GTF2H1: variants seen among roughly 807,000 people sequenced by gnomAD.
GTF2H1 encodes general transcription factor IIH subunit 1.
In GTF2H1, 16 loss-of-function variants were observed where a neutral mutation model predicts 71.2. The observed-to-expected ratio is 0.22, with a 90% CI of 0.15 to 0.34. GTF2H1 has a LOEUF of 0.34. GTF2H1 is among the 10% of genes least tolerant of loss of function. The probability of loss-of-function intolerance (pLI) is 1.00; values close to 1 mark genes in which losing one functional copy is unlikely to be tolerated. For synonymous variants in GTF2H1, 215 were observed against 219.0 expected (o/e 0.98, Z 0.16); for missense variants, 498 against 648.2 (o/e 0.77, Z 2.52).
At position 18,366,008 on chromosome 11, in the gene GTF2H1, T is replaced by C. The variant is rs927915876; in HGVS notation, c.*139T>C. ...TCTGCTCCACGCCAACTCCCAGAGC[T>C]GATGCTATTGTACTTGCACATTGGA... On this transcript the variant is annotated 3_prime_UTR_variant, in exon 15 of 15. Coordinates refer to ENST00000265963, the MANE Select transcript of GTF2H1 (RefSeq NM_005316.4). 1.7e-5 allele frequency: 11 copies of C among 636,116 alleles called. No individual in the cohort carries two copies. The highest frequency in any genetic ancestry group is 3.1e-5 in the Non-Finnish European group (11 of 355,248). The allele number at this position is 636,116 out of a possible 1,614,324, so 39.4% of individuals were successfully genotyped here.
chr11:18,339,619 C>T lies in GTF2H1; in HGVS notation c.569C>T (p.Ser190Phe), dbSNP rs779659103. The T allele has an allele frequency of 2.5e-6, 4 of 1,612,408 alleles. No homozygotes were observed. Among genetic ancestry groups the T allele is most frequent in the South Asian group, 1.1e-5 (1 of 91,040 alleles). Residue 190 changes from serine (S) to phenylalanine (F), a missense_variant, in exon 5 of 15, where the codon TCT becomes TTT. Coordinates refer to ENST00000265963, the MANE Select transcript of GTF2H1 (RefSeq NM_005316.4). The part of the protein sequence containing the change: ...GCNGLRYNLT[S>F]DIIESIFRTY... ...AACGGTCTAAGATATAATTTAACTTCTGATATCATTGAGTCCATATTTAGG... is the reference window on the plus strand; with the variant it reads ...AACGGTCTAAGATATAATTTAACTTTTGATATCATTGAGTCCATATTTAGG...
intron 1 of GTF2H1, among the ~76,000 whole-genome samples, chr11:18,328,747 A>T (rs1037464446): frequency 4.0e-5 from 6 of 149,708 alleles, no homozygotes; most frequent in Non-Finnish European, 7.4e-5. Flanking sequence ...AATCGCTTGA[A>T]CCCGGGAGGC....
chr11:18,351,341 G>A (rs1242291704), intron 9 of GTF2H1, among the ~76,000 whole-genome samples: 1 of 151,050 alleles, frequency 6.6e-6, no homozygotes, highest in African/African-American at 2.4e-5. Context: ...GAACGCAGTG[G>A]CGTGATCTCA....
At position 18,341,359 on chromosome 11, in the gene GTF2H1, A is replaced by C. The variant is rs1172303074; in HGVS notation, c.706A>C (p.Asn236His). 11 of 1,613,974 alleles carry C rather than the reference A, an allele frequency of 6.8e-6. No individual in the cohort carries two copies. Among genetic ancestry groups the C allele is most frequent in the Non-Finnish European group, 8.5e-6 (10 of 1,179,960 alleles). ...QSHYFHRDRLNTGSKDLFAEC... is the reference protein window; with the variant it reads ...QSHYFHRDRLHTGSKDLFAEC... ...CCATTATTTTCACAGGGATCGGCTGAATACAGGGTCAAAGGATCTCTTTGC... is the reference window on the plus strand; with the variant it reads ...CCATTATTTTCACAGGGATCGGCTGCATACAGGGTCAAAGGATCTCTTTGC... The change falls in exon 6 of 15, where the codon AAT (asparagine) becomes CAT (histidine). Residue 236 changes from asparagine to histidine, a missense_variant. Asn to His is a moderately conservative substitution (Grantham distance 68). Transcript: ENST00000265963.
intron 11 of GTF2H1, among the ~76,000 whole-genome samples, chr11:18,354,972 C>A (rs1015533398): frequency 5.9e-5 from 9 of 151,686 alleles, no homozygotes; most frequent in Admixed American, 5.3e-4. Context: ...CCATGCCTGG[C>A]AAAGTTTTTG....
chr11:18,337,245 A>G lies in GTF2H1; in HGVS notation c.348-864A>G, dbSNP rs193271760. Among the ~76,000 whole-genome samples the G allele has an allele frequency of 2.0e-3, 303 of 152,246 alleles. 2 individuals carry two copies. Among genetic ancestry groups the G allele is most frequent in the African/African-American group, 7.0e-3 (291 of 41,528 alleles). On this transcript the variant is annotated intron_variant, in intron 3 of 14. Transcript: ENST00000265963. Reference sequence around the variant, plus strand: ...GAAGTTCAAGACCAACCCAGCCAACATGGTGAAACTCCACGTCTACTAAAA... The same window carrying G: ...GAAGTTCAAGACCAACCCAGCCAACGTGGTGAAACTCCACGTCTACTAAAA...
chr11:18,333,009 C>G, intron 1 of GTF2H1, 51 bp from the exon 2 acceptor site: 8 of 1,316,378 alleles, frequency 6.1e-6, no homozygotes, highest in Non-Finnish European at 8.3e-6. Flanking sequence ...AAATTCAACC[C>G]TAATTGATGT....
chr11:18,340,912 T>C (rs1202268841), intron 5 of GTF2H1, among the ~76,000 whole-genome samples: 1 of 152,226 alleles, frequency 6.6e-6, no homozygotes, highest in Non-Finnish European at 1.5e-5. Context: ...AGATCATTAT[T>C]ACCCCACAAG....
intron 10 of GTF2H1, 104 bp from the exon 11 acceptor site, chr11:18,352,225 T>C: frequency 3.0e-6 from 2 of 660,340 alleles, no homozygotes; most frequent in Non-Finnish European, 5.5e-6. Context: ...TTATCGTTTC[T>C]TGCCTTGAGG....
At chr11:18,335,348 G>A (rs986904036) in intron 2 of GTF2H1, among the ~76,000 whole-genome samples, 1 of 152,144 alleles carries the variant, frequency 6.6e-6, no homozygotes, top group South Asian at 2.1e-4. Context: ...AATGCCATGG[G>A]CCGCATTTTG....
Position 18,352,455 on chromosome 11 carries a change from C to T in GTF2H1, c.1260+9C>T. The T allele has an allele frequency of 9.1e-7, 1 of 1,096,034 alleles. No homozygotes were observed. Among genetic ancestry groups the T allele is most frequent in the Non-Finnish European group, 1.4e-6 (1 of 709,730 alleles). 67.9% of individuals were successfully genotyped at this position (1,096,034 alleles called of 1,614,324 possible). On this transcript the variant is annotated intron_variant, in intron 11 of 14. Transcript: ENST00000265963. ...CACCCAAGTTAACTCAGGTAGGTGA[C>T]TTCTACTGTTTGAAGGCCAGAATTC...
intron 14 of GTF2H1, 48 bp from the exon 15 acceptor site, chr11:18,365,735 C>A: frequency 2.3e-6 from 3 of 1,311,618 alleles, no homozygotes; most frequent in Non-Finnish European, 3.3e-6. Flanking sequence ...GAAGGATTAA[C>A]TTCCCCTGCT....
At chr11:18,328,132 G>A (rs550638333) in intron 1 of GTF2H1, among the ~76,000 whole-genome samples, 2 of 151,274 alleles carry the variant, frequency 1.3e-5, no homozygotes, top group East Asian at 3.9e-4. Flanking sequence ...GAACTGGGGA[G>A]GCGGAGGTTG....
At chr11:18,360,359 G>C (rs1865667683) in intron 13 of GTF2H1, among the ~76,000 whole-genome samples, 1 of 152,004 alleles carries the variant, frequency 6.6e-6, no homozygotes, top group South Asian at 2.1e-4. Flanking sequence ...TTGTCCTTGT[G>C]TTCCGCCCAC....
Position 18,367,022 on chromosome 11 carries a change from T to C in GTF2H1, c.*1153T>C, listed in dbSNP as rs534353347. The C allele has an allele frequency of 6.6e-6, 1 of 152,326 alleles. No individual in the cohort carries two copies. Among genetic ancestry groups the C allele is most frequent in the African/African-American group, 2.4e-5 (1 of 41,570 alleles). 9.4% of individuals were successfully genotyped at this position (152,326 alleles called of 1,614,324 possible). Reference sequence around the variant, plus strand: ...AATTACACAAAAAAAGTAAAACTTTTTATACTTACCCTTTTAACTCTAACA... The same window carrying C: ...AATTACACAAAAAAAGTAAAACTTTCTATACTTACCCTTTTAACTCTAACA... On this transcript the variant is annotated 3_prime_UTR_variant, in exon 15 of 15. Transcript: ENST00000265963.
At chr11:18,331,977 G>T (rs1238538010) in intron 1 of GTF2H1, among the ~76,000 whole-genome samples, 1 of 151,896 alleles carries the variant, frequency 6.6e-6, no homozygotes, top group African/African-American at 2.4e-5. Context: ...CTCCCCCTTT[G>T]GCCTCCCAAA....
At chr11:18,352,031 C>G (rs892268787) in intron 10 of GTF2H1, 62 bp downstream of exon 10, 3 of 831,282 alleles carry the variant, frequency 3.6e-6, no homozygotes. Context: ...ATATATCCTA[C>G]AAGTATAGCA....
At chr11:18,336,791 G>C (rs952643061) in intron 3 of GTF2H1, among the ~76,000 whole-genome samples, 10 of 147,440 alleles carry the variant, frequency 6.8e-5, no homozygotes, top group African/African-American at 2.5e-4. Flanking sequence ...ATCTTGCTCT[G>C]TTGCCCAGGC....
chr11:18,333,485 C>T (rs1250839165), intron 2 of GTF2H1: 2 of 263,300 alleles, frequency 7.6e-6, no homozygotes, highest in East Asian at 7.1e-5. Context: ...CATAATACTC[C>T]ACTAAATGAA....
Sources: gnomAD v4.1 joint callset for allele counts (sites outside exome capture counted in the v4.1 genomes callset) on GRCh38, gnomAD v4.1.1 for gene constraint, MANE v1.5 for transcripts, NCBI Gene and HGNC (gene_info 2026-07-23, HGNC 2026-07-21) for gene names.